Variants in AUTS2 observed in about 807,000 individuals in gnomAD.
AUTS2 encodes activator of transcription and developmental regulator AUTS2.
In AUTS2, 17 loss-of-function variants were observed where a neutral mutation model predicts 112.4. The ratio of observed to expected loss-of-function variants is 0.15; its 90% CI spans 0.10 to 0.23. AUTS2 has a LOEUF of 0.23. AUTS2 is among the 10% of genes least tolerant of loss of function. AUTS2 has a pLI of 1.00. For synonymous variants in AUTS2, 751 were observed against 702.7 expected, an observed-to-expected ratio of 1.07 and a Z score of -1.09; for missense variants, 1,510 against 1,701.6, an observed-to-expected ratio of 0.89 and a Z score of 1.98.
intron 4 of AUTS2, among the ~76,000 whole-genome samples, chr7:70,334,278 TGTGA>T (rs1389224861): frequency 6.6e-6 from 1 of 152,200 alleles, no homozygotes; most frequent in Non-Finnish European, 1.5e-5. Flanking sequence ...TTTCTAGTTT[TGTGA>T]GTATTTCCAG....
rs183532969 is a variant in AUTS2, at chr7:70,791,103, C to T, written c.*107C>T. 23 of 1,139,158 alleles carry T rather than the reference C, an allele frequency of 2.0e-5. No individual in the cohort carries two copies. In the East Asian group the frequency reaches 4.1e-4, roughly 21 times the overall value. 70.6% of individuals were successfully genotyped at this position (1,139,158 alleles called of 1,614,324 possible). On this transcript the variant is annotated 3_prime_UTR_variant, in exon 19 of 19. Coordinates refer to ENST00000342771, the MANE Select transcript of AUTS2 (RefSeq NM_015570.4). ...GCTCACACAGACTGGGGGGGAAAGCCCCACCCCTTCCCCTTGTAAAAAATG... is the reference window on the plus strand; with the variant it reads ...GCTCACACAGACTGGGGGGGAAAGCTCCACCCCTTCCCCTTGTAAAAAATG...
chr7:70,377,436 C>G (rs1256172595), intron 4 of AUTS2, among the ~76,000 whole-genome samples: 3 of 132,662 alleles, frequency 2.3e-5, no homozygotes, highest in African/African-American at 8.4e-5. Context: ...AATGGTAAAC[C>G]ATTTATATAT....
At chr7:70,034,815 C>G (rs1210966632) in intron 2 of AUTS2, among the ~76,000 whole-genome samples, 1 of 152,108 alleles carries the variant, frequency 6.6e-6, no homozygotes, top group Admixed American at 6.6e-5. Context: ...GAGTGTCATA[C>G]TCAGAACAAT....
intron 2 of AUTS2, among the ~76,000 whole-genome samples, chr7:69,988,230 G>A (rs1288604755): frequency 6.6e-6 from 1 of 152,110 alleles, no homozygotes; most frequent in Non-Finnish European, 1.5e-5. Context: ...GTTCTTCCAT[G>A]AGACACTTAG....
intron 2 of AUTS2, among the ~76,000 whole-genome samples, chr7:69,987,132 G>A (rs1584532352): frequency 6.6e-6 from 1 of 152,130 alleles, no homozygotes; most frequent in Admixed American, 6.5e-5. Flanking sequence ...CTCTTCGCTG[G>A]ATTAAGACAT....
intron 4 of AUTS2, among the ~76,000 whole-genome samples, chr7:70,175,552 T>C (rs181563686): frequency 8.5e-5 from 13 of 152,312 alleles, no homozygotes; most frequent in African/African-American, 2.9e-4. Context: ...AGTCAGTTGA[T>C]GGAGCAAACT....
At chr7:70,041,439 AC>A (rs1481195703) in intron 2 of AUTS2, among the ~76,000 whole-genome samples, 1 of 152,134 alleles carries the variant, frequency 6.6e-6, no homozygotes, top group African/African-American at 2.4e-5. Context: ...CCCTCTCTGT[AC>A]TAATGATAAG....
intron 2 of AUTS2, among the ~76,000 whole-genome samples, chr7:70,046,933 A>G (rs6948174): frequency 0.11 from 16,785 of 152,242 alleles, 1,452 homozygotes; most frequent in African/African-American, 0.24. Context: ...TTAATAAGTC[A>G]TTCCATTGTG....
intron 5 of AUTS2, among the ~76,000 whole-genome samples, chr7:70,469,914 A>G (rs1190542107): frequency 6.6e-6 from 1 of 152,214 alleles, no homozygotes; most frequent in Admixed American, 6.5e-5. Flanking sequence ...TACTGGGATT[A>G]CAGGCATGAG....
At chr7:70,421,190 C>T (rs17566440) in intron 4 of AUTS2, among the ~76,000 whole-genome samples, 15,446 of 152,144 alleles carry the variant, frequency 0.1, 910 homozygotes, top group Middle Eastern at 0.2. Flanking sequence ...TTCTTTCCTA[C>T]ATCTGAACCT....
At chr7:69,861,119 A>G (rs1188958855) in intron 1 of AUTS2, among the ~76,000 whole-genome samples, 1 of 151,794 alleles carries the variant, frequency 6.6e-6, no homozygotes, top group Non-Finnish European at 1.5e-5. Context: ...CAGGGCTTCA[A>G]GTTACTAAAA....
chr7:69,928,667 G>C (rs1020260603), intron 2 of AUTS2, among the ~76,000 whole-genome samples: 1 of 152,138 alleles, frequency 6.6e-6, no homozygotes, highest in Non-Finnish European at 1.5e-5. Flanking sequence ...GAGAGAGCAG[G>C]GAGAGGCCAG....
intron 4 of AUTS2, among the ~76,000 whole-genome samples, chr7:70,432,679 G>A (rs1228715988): frequency 1.3e-5 from 2 of 152,172 alleles, no homozygotes; most frequent in Non-Finnish European, 2.9e-5. Context: ...CAAGGCAAAC[G>A]TTAGGCGCTG....
chr7:70,077,965 A>T (rs2129564159), intron 2 of AUTS2, among the ~76,000 whole-genome samples: 1 of 152,286 alleles, frequency 6.6e-6, no homozygotes, highest in Non-Finnish European at 1.5e-5. Context: ...TAATATTCAG[A>T]TTGACAGTGG....
At chr7:70,659,241 CCCA>C (rs1301076430) in intron 5 of AUTS2, among the ~76,000 whole-genome samples, 2 of 152,204 alleles carry the variant, frequency 1.3e-5, no homozygotes, top group African/African-American at 4.8e-5. Context: ...GGATATCACG[CCCA>C]CGACTGGCGG....
At chr7:70,426,755 A>C (rs1795454719) in intron 4 of AUTS2, among the ~76,000 whole-genome samples, 1 of 152,214 alleles carries the variant, frequency 6.6e-6, no homozygotes, top group South Asian at 2.1e-4. Context: ...AAGCAAGGGC[A>C]AGTCATTTTA....
At chr7:69,920,999 C>T (rs1014006366) in intron 2 of AUTS2, among the ~76,000 whole-genome samples, 8 of 152,052 alleles carry the variant, frequency 5.3e-5, no homozygotes, top group African/African-American at 1.7e-4. Context: ...TTTATAATGC[C>T]ATGTGTTTTT....
At chr7:70,377,327 T>TATAA (rs1793139160) in intron 4 of AUTS2, among the ~76,000 whole-genome samples, 2 of 10,482 alleles carry the variant, frequency 1.9e-4, no homozygotes, top group East Asian at 2.6e-3. Flanking sequence ...CAAATATAAA[T>TATAA]ATATATATAT....
chr7:69,872,829 A>G (rs1793557972), intron 1 of AUTS2, among the ~76,000 whole-genome samples: 1 of 115,552 alleles, frequency 8.7e-6, no homozygotes, highest in African/African-American at 3.7e-5. Context: ...GATGTAGCCT[A>G]TATTCTTTTT....
Sources: gnomAD v4.1 joint callset for allele counts (sites outside exome capture counted in the v4.1 genomes callset) on GRCh38, gnomAD v4.1.1 for gene constraint, MANE v1.5 for transcripts, NCBI Gene and HGNC (gene_info 2026-07-23, HGNC 2026-07-21) for gene names.